The following TBL1XR1 variants were observed in gnomAD, a reference collection of about 807,000 sequenced individuals.
TBL1XR1 encodes TBL1X/Y related 1.
Under a neutral mutation model 66.9 loss-of-function variants are expected in TBL1XR1, and 5 were observed. The ratio of observed to expected loss-of-function variants is 0.07; its 90% CI spans 0.04 to 0.16. The LOEUF (loss-of-function observed/expected upper bound fraction) is 0.16. TBL1XR1 is among the 10% of genes least tolerant of loss of function. The pLI, the probability that TBL1XR1 is intolerant of heterozygous loss-of-function variation, is 1.00. For missense variants in TBL1XR1, 238 were observed against 623.2 expected, an observed-to-expected ratio of 0.38 and a Z score of 6.58; for synonymous variants, 210 against 206.0, an observed-to-expected ratio of 1.02 and a Z score of -0.17.
At position 177,157,221 on chromosome 3, in the gene TBL1XR1, GA is replaced by G. The variant is rs200168444; in HGVS notation, c.-122+39899del. 2.6e-5 allele frequency among the ~76,000 whole-genome samples: 4 copies of G among 151,580 alleles called. 1 individual carries two copies. In the South Asian group the frequency reaches 6.3e-4, roughly 24 times the overall value. ...GAGACTCTATCTCAAAAAACAAAAAGAAAAAAAAATTTCCTCTCCGGAGGCT... is the reference window on the plus strand; with the variant it reads ...GAGACTCTATCTCAAAAAACAAAAAGAAAAAAAATTTCCTCTCCGGAGGCT... On this transcript the variant is annotated intron_variant, in intron 1 of 15. Transcript: ENST00000457928.
chr3:177,046,244 G>A (rs1716310204), intron 9 of TBL1XR1, 55 bp from the exon 10 acceptor site: 5 of 1,327,110 alleles, frequency 3.8e-6, no homozygotes, highest in Non-Finnish European at 5.2e-6. Context: ...TAACATACAT[G>A]TGTAAAGTAT....
chr3:177,114,996 T>A (rs903945493), intron 1 of TBL1XR1, among the ~76,000 whole-genome samples: 12 of 150,816 alleles, frequency 8.0e-5, no homozygotes, highest in Non-Finnish European at 1.6e-4. Context: ...AAAAAAATAA[T>A]AATAATAATA....
intron 1 of TBL1XR1, among the ~76,000 whole-genome samples, chr3:177,178,740 G>A (rs922102724): frequency 6.6e-6 from 1 of 152,148 alleles, no homozygotes; most frequent in Non-Finnish European, 1.5e-5. Flanking sequence ...TTTAAGACAA[G>A]TTGTGGAAAA....
chr3:177,160,249 T>C (rs1732021545), intron 1 of TBL1XR1, among the ~76,000 whole-genome samples: 1 of 151,948 alleles, frequency 6.6e-6, no homozygotes, highest in Admixed American at 6.6e-5. Context: ...GTCATGGTAG[T>C]GCATCATGAC....
chr3:177,082,908 A>G (rs1721615260), intron 2 of TBL1XR1, among the ~76,000 whole-genome samples: 1 of 150,538 alleles, frequency 6.6e-6, no homozygotes, highest in Non-Finnish European at 1.5e-5. Context: ...GGCGACCACC[A>G]CCACATCTGG....
intron 2 of TBL1XR1, among the ~76,000 whole-genome samples, chr3:177,086,194 T>C (rs1722097074): frequency 6.6e-6 from 1 of 151,612 alleles, no homozygotes; most frequent in Non-Finnish European, 1.5e-5. Flanking sequence ...TTTATTCTAA[T>C]AATAATATTT....
chr3:177,109,364 G>C (rs1037689436), intron 1 of TBL1XR1, among the ~76,000 whole-genome samples: 5 of 152,058 alleles, frequency 3.3e-5, no homozygotes, highest in African/African-American at 1.2e-4. Context: ...CCCTTTAAGA[G>C]AATAGGAAGA....
chr3:177,063,705 A>T (rs1331147035), intron 3 of TBL1XR1, among the ~76,000 whole-genome samples: 3 of 152,194 alleles, frequency 2.0e-5, no homozygotes, highest in African/African-American at 7.2e-5. Flanking sequence ...GTACCAGTCT[A>T]CCAGTTTAAA....
chr3:177,029,927 A>G (rs1174257198), intron 14 of TBL1XR1, among the ~76,000 whole-genome samples: 2 of 152,236 alleles, frequency 1.3e-5, no homozygotes, highest in Non-Finnish European at 2.9e-5. Context: ...TGTAATTGGA[A>G]AAATGTTCAC....
At chr3:177,125,536 T>TA (rs1727509612) in intron 1 of TBL1XR1, among the ~76,000 whole-genome samples, 3 of 152,314 alleles carry the variant, frequency 2.0e-5, no homozygotes, top group Admixed American at 6.5e-5. Flanking sequence ...AACAGGATTT[T>TA]AAAAAACATT....
intron 1 of TBL1XR1, among the ~76,000 whole-genome samples, chr3:177,162,936 T>C (rs763578859): frequency 1.3e-5 from 2 of 152,126 alleles, no homozygotes; most frequent in African/African-American, 4.8e-5. Flanking sequence ...CAGAGACACA[T>C]TGAGAGCAGG....
At chr3:177,115,962 TGAG>T (rs1376137314) in intron 1 of TBL1XR1, among the ~76,000 whole-genome samples, 1 of 152,122 alleles carries the variant, frequency 6.6e-6, no homozygotes, top group African/African-American at 2.4e-5. Flanking sequence ...AGGGAAGGAA[TGAG>T]GAGGCCAGGG....
chr3:177,037,141 T>C (rs965823281), intron 12 of TBL1XR1, among the ~76,000 whole-genome samples: 1 of 152,158 alleles, frequency 6.6e-6, no homozygotes, highest in South Asian at 2.1e-4. Flanking sequence ...TTCCCAGCAA[T>C]GGTGATACAT....
intron 2 of TBL1XR1, among the ~76,000 whole-genome samples, chr3:177,071,186 G>T (rs551991198): frequency 1.3e-5 from 2 of 151,720 alleles, no homozygotes; most frequent in Non-Finnish European, 2.9e-5. Context: ...ACCCGCCACC[G>T]TGCCCGGCTA....
At chr3:177,054,982 T>C (rs1399048506) in intron 3 of TBL1XR1, among the ~76,000 whole-genome samples, 2 of 152,200 alleles carry the variant, frequency 1.3e-5, no homozygotes, top group African/African-American at 2.4e-5. Flanking sequence ...GAAATATTAA[T>C]CACCATTTAT....
intron 10 of TBL1XR1, chr3:177,045,037 T>G (rs1298950670): frequency 6.6e-6 from 1 of 152,138 alleles, no homozygotes; most frequent in Non-Finnish European, 1.5e-5. Flanking sequence ...TTTAATCAAG[T>G]TGAATTGTTT....
intron 1 of TBL1XR1, among the ~76,000 whole-genome samples, chr3:177,163,679 C>T (rs999110297): frequency 2.6e-5 from 4 of 151,978 alleles, no homozygotes; most frequent in Admixed American, 2.6e-4. Flanking sequence ...TATAAAATAT[C>T]TGGAAGGATA....
chr3:177,031,134 A>C (rs768460065), intron 14 of TBL1XR1, among the ~76,000 whole-genome samples: 26 of 152,266 alleles, frequency 1.7e-4, no homozygotes, highest in Admixed American at 5.2e-4. Flanking sequence ...ATAAAAATGA[A>C]AAATAAAGTT....
chr3:177,160,372 G>A (rs1298023304), intron 1 of TBL1XR1, among the ~76,000 whole-genome samples: 1 of 151,824 alleles, frequency 6.6e-6, no homozygotes, highest in Non-Finnish European at 1.5e-5. Context: ...TATTCAGGAG[G>A]CCAAGGCAGG....
Sources: allele counts gnomAD v4.1 joint callset (sites outside exome capture counted in the v4.1 genomes callset), GRCh38; gene constraint gnomAD v4.1.1; transcripts MANE v1.5; gene names NCBI Gene and HGNC (gene_info 2026-07-23, HGNC 2026-07-21).